Variants in RIMS2 observed in about 807,000 individuals in gnomAD.
The protein encoded by RIMS2 is regulating synaptic membrane exocytosis 2, also known as regulating synaptic membrane exocytosis protein 2.
Under a neutral mutation model 174.4 loss-of-function variants are expected in RIMS2, and 59 were observed. The ratio of observed to expected loss-of-function variants is 0.34; its 90% confidence interval spans 0.27 to 0.42. RIMS2 has a LOEUF of 0.42. RIMS2 is among the 10% of genes least tolerant of loss of function. The pLI is 1.00. For missense variants in RIMS2, 1,620 were observed against 1,666.3 expected (o/e 0.97, Z 0.48); for synonymous variants, 606 against 572.5 (o/e 1.06, Z -0.84).
At chr8:103,658,798 T>C (rs182754307) in intron 1 of RIMS2, among the ~76,000 whole-genome samples, 4 of 151,772 alleles carry the variant, frequency 2.6e-5, no homozygotes, top group East Asian at 2.0e-4. Context: ...TCTCAGGTCA[T>C]AGAGAGTTGC....
chr8:104,073,570 C>T (rs950126314), intron 19 of RIMS2, among the ~76,000 whole-genome samples: 2 of 152,144 alleles, frequency 1.3e-5, no homozygotes, highest in African/African-American at 2.4e-5. Context: ...TCTTATTTGT[C>T]TCCCTGGAAT....
chr8:103,793,213 C>T (rs1440443255), intron 3 of RIMS2, among the ~76,000 whole-genome samples: 1 of 152,162 alleles, frequency 6.6e-6, no homozygotes, highest in East Asian at 1.9e-4. Context: ...TCCAGCAGCA[C>T]ATCTAAAAGC....
chr8:103,765,454 G>T (rs904505595), intron 2 of RIMS2, among the ~76,000 whole-genome samples: 1 of 152,152 alleles, frequency 6.6e-6, no homozygotes, highest in Non-Finnish European at 1.5e-5. Context: ...GTTTCACAAT[G>T]TGAATATACT....
At chr8:103,572,124 CT>C (rs1438687949) in intron 1 of RIMS2, among the ~76,000 whole-genome samples, 1 of 152,130 alleles carries the variant, frequency 6.6e-6, no homozygotes, top group Non-Finnish European at 1.5e-5. Flanking sequence ...GAGTTTCTTC[CT>C]TCCAGTGGGT....
chr8:103,994,128 A>C (rs2094916148), intron 17 of RIMS2, among the ~76,000 whole-genome samples: 1 of 151,972 alleles, frequency 6.6e-6, no homozygotes, highest in South Asian at 2.1e-4. Context: ...GTTTTACTTA[A>C]GAATGGAATA....
chr8:104,162,294 A>G (rs1211525059), intron 19 of RIMS2, among the ~76,000 whole-genome samples: 1 of 152,198 alleles, frequency 6.6e-6, no homozygotes, highest in Non-Finnish European at 1.5e-5. Flanking sequence ...ATAGAAATAA[A>G]TGTTAACTTT....
exon 1 of RIMS2, chr8:103,500,794 A>T: frequency 1.4e-6 from 1 of 696,930 alleles, no homozygotes; most frequent in Non-Finnish European, 2.4e-6. Flanking sequence ...TATTTGTCCC[A>T]GCGCTGGAGG....
At chr8:103,722,665 G>A (rs2138500891) in intron 2 of RIMS2, among the ~76,000 whole-genome samples, 1 of 152,288 alleles carries the variant, frequency 6.6e-6, no homozygotes, top group Admixed American at 6.5e-5. Context: ...GCCTCCTGCT[G>A]TGAAGCCCAG....
At chr8:104,198,805 T>A (rs1014387167) in intron 19 of RIMS2, among the ~76,000 whole-genome samples, 10 of 152,052 alleles carry the variant, frequency 6.6e-5, no homozygotes, top group Non-Finnish European at 1.2e-4. Context: ...GGAGCAAAAT[T>A]CCACCACCAT....
intron 16 of RIMS2, among the ~76,000 whole-genome samples, chr8:103,983,761 A>C (rs1047521256): frequency 6.6e-6 from 1 of 152,216 alleles, no homozygotes; most frequent in Admixed American, 6.5e-5. Flanking sequence ...AACGGATTAA[A>C]GACCTAAATC....
At chr8:103,741,926 A>G (rs2097765743) in intron 2 of RIMS2, among the ~76,000 whole-genome samples, 1 of 152,112 alleles carries the variant, frequency 6.6e-6, no homozygotes, top group South Asian at 2.1e-4. Context: ...ATGTTAATAC[A>G]GATCATCTGA....
chr8:103,618,182 G>A (rs1286228519), intron 1 of RIMS2, among the ~76,000 whole-genome samples: 1 of 152,066 alleles, frequency 6.6e-6, no homozygotes, highest in Non-Finnish European at 1.5e-5. Context: ...CATATCTTTT[G>A]CAGGAGCATG....
At chr8:103,513,914 T>C (rs1487338950) in intron 1 of RIMS2, among the ~76,000 whole-genome samples, 1 of 152,210 alleles carries the variant, frequency 6.6e-6, no homozygotes, top group African/African-American at 2.4e-5. Context: ...TGAATTTTGA[T>C]TTAAAACAAT....
At chr8:103,777,660 T>G (rs1395106434) in intron 3 of RIMS2, among the ~76,000 whole-genome samples, 3 of 151,956 alleles carry the variant, frequency 2.0e-5, no homozygotes, top group African/African-American at 7.2e-5. Flanking sequence ...TAATTAGGGT[T>G]GATATAGACA....
intron 19 of RIMS2, among the ~76,000 whole-genome samples, chr8:104,021,209 A>G (rs1410959341): frequency 6.6e-6 from 1 of 152,098 alleles, no homozygotes; most frequent in African/African-American, 2.4e-5. Flanking sequence ...AACCTAATTA[A>G]CACTAAAATA....
chr8:104,114,469 A>C (rs1022411253), intron 19 of RIMS2, among the ~76,000 whole-genome samples: 1 of 152,014 alleles, frequency 6.6e-6, no homozygotes, highest in African/African-American at 2.4e-5. Flanking sequence ...GGAAGATGAC[A>C]GTTAAAGAAG....
At position 103,869,475 on chromosome 8, in the gene RIMS2, G is replaced by A. The variant is rs151283819; in HGVS notation, c.699-15823G>A. On this transcript the variant is annotated intron_variant, in intron 3 of 23. Coordinates refer to ENST00000504942, the Ensembl canonical transcript of RIMS2. ...GCCTCCCAAAGTGCTGGGACTACAG[G>A]CACCCACCACCACGCCCAGCTAATT... Among the ~76,000 whole-genome samples, 174 of 152,160 alleles carry A rather than the reference G, an allele frequency of 1.1e-3. 3 individuals carry two copies. In the East Asian group the frequency reaches 0.03, roughly 26 times the overall value.
chr8:104,003,520 T>A lies in RIMS2; in HGVS notation c.3045-9922T>A, dbSNP rs191794725. 7.4e-4 allele frequency among the ~76,000 whole-genome samples: 112 copies of A among 152,132 alleles called. No homozygotes were observed. In the South Asian group the frequency reaches 9.1e-3, roughly 12 times the overall value. ...CCTCCACCTCCCAGGTTCAAGCGATTCTCCTGCCTCAGCCTCCTGAGTAGC... is the reference window on the plus strand; with the variant it reads ...CCTCCACCTCCCAGGTTCAAGCGATACTCCTGCCTCAGCCTCCTGAGTAGC... On this transcript the variant is annotated intron_variant, in intron 17 of 23. Coordinates refer to ENST00000504942, the Ensembl canonical transcript of RIMS2.
chr8:103,672,954 G>T lies in RIMS2; in HGVS notation c.177-24132G>T, dbSNP rs73286405. Among the ~76,000 whole-genome samples the T allele has an allele frequency of 1.0e-3, 156 of 152,286 alleles. 1 individual carries two copies. The highest frequency in any genetic ancestry group is 3.4e-3 in the African/African-American group (141 of 41,564). On this transcript the variant is annotated intron_variant, in intron 1 of 23. Transcript: ENST00000504942. ...AGTTATCTACTCCCACAGTACAAGT[G>T]GGGTATAGGAATTGGGTAAACATTT...
Sources: gnomAD v4.1 joint callset for allele counts (sites outside exome capture counted in the v4.1 genomes callset) on GRCh38, gnomAD v4.1.1 for gene constraint, MANE v1.5 for transcripts, NCBI Gene and HGNC (gene_info 2026-07-23, HGNC 2026-07-21) for gene names.